VRK2: variants seen among roughly 807,000 people sequenced by gnomAD.
VRK2 encodes VRK serine/threonine kinase 2.
A neutral mutation model predicts 57.6 loss-of-function variants in VRK2; 60 were observed. The ratio of observed to expected loss-of-function variants is 1.04; its 90% CI spans 0.85 to 1.29. The LOEUF (loss-of-function observed/expected upper bound fraction) is 1.29, where lower values mean the gene tolerates loss of function less well. Ranked by LOEUF, VRK2 falls within the 50% of genes most tolerant of loss-of-function variation. The pLI, the probability that VRK2 is intolerant of heterozygous loss-of-function variation, is 0.00. For missense variants in VRK2, 705 were observed against 588.1 expected, an observed-to-expected ratio of 1.20 and a Z score of -2.06; for synonymous variants, 231 against 199.2, an observed-to-expected ratio of 1.16 and a Z score of -1.35.
intron 1 of VRK2, among the ~76,000 whole-genome samples, chr2:57,981,767 G>T (rs913273407): frequency 6.6e-6 from 1 of 152,028 alleles, no homozygotes; most frequent in Non-Finnish European, 1.5e-5. Flanking sequence ...TTTCAAAATG[G>T]CTATGTAATC....
At chr2:57,919,853 G>C (rs867836774) in intron 1 of VRK2, among the ~76,000 whole-genome samples, 1 of 152,020 alleles carries the variant, frequency 6.6e-6, no homozygotes, top group Non-Finnish European at 1.5e-5. Flanking sequence ...TTTGGTAACA[G>C]AGATCACATA....
At chr2:58,008,091 G>T (rs1673307367) in intron 1 of VRK2, among the ~76,000 whole-genome samples, 1 of 152,062 alleles carries the variant, frequency 6.6e-6, no homozygotes, top group Non-Finnish European at 1.5e-5. Flanking sequence ...ACTATAAGTT[G>T]TAACAAATTT....
chr2:58,008,356 G>C (rs1234093275), intron 1 of VRK2, among the ~76,000 whole-genome samples: 1 of 151,846 alleles, frequency 6.6e-6, no homozygotes, highest in Admixed American at 6.6e-5. Context: ...AAGATGAAAA[G>C]GAAGGAAGGA....
At chr2:58,079,109 A>G (rs1222369245) in intron 2 of VRK2, among the ~76,000 whole-genome samples, 1 of 152,134 alleles carries the variant, frequency 6.6e-6, no homozygotes, top group Non-Finnish European at 1.5e-5. Context: ...ATTTTGTAGA[A>G]TGTCCTTCAA....
At chr2:58,046,333 A>G (rs1674746033), upstream of VRK2, among the ~76,000 whole-genome samples, 1 of 152,356 alleles carries the variant, frequency 6.6e-6, no homozygotes, top group East Asian at 1.9e-4. Context: ...TCCTGAACCA[A>G]TATGCCTTTG....
chr2:57,941,214 T>G (rs1054250454), intron 1 of VRK2, among the ~76,000 whole-genome samples: 4 of 152,180 alleles, frequency 2.6e-5, no homozygotes, highest in African/African-American at 4.8e-5. Context: ...ATCTGTTAAT[T>G]GTACTAAATG....
intron 1 of VRK2, among the ~76,000 whole-genome samples, chr2:57,958,589 AT>A (rs1255671535): frequency 1.3e-5 from 2 of 151,468 alleles, no homozygotes; most frequent in South Asian, 2.1e-4. Context: ...ACCGATTTTT[AT>A]TTTTCCCTCA....
chr2:58,097,392 T>G (rs1291104407), intron 7 of VRK2, among the ~76,000 whole-genome samples: 2 of 152,114 alleles, frequency 1.3e-5, no homozygotes, highest in Non-Finnish European at 2.9e-5. Context: ...TTATGTGTTT[T>G]TTTAAATCTT....
At chr2:57,985,422 G>T (rs543917991) in intron 1 of VRK2, among the ~76,000 whole-genome samples, 1 of 151,988 alleles carries the variant, frequency 6.6e-6, no homozygotes, top group Non-Finnish European at 1.5e-5. Context: ...TCTGAAATTC[G>T]TTAATATTCT....
intron 8 of VRK2, among the ~76,000 whole-genome samples, chr2:58,128,756 T>G (rs998743559): frequency 7.9e-5 from 12 of 152,220 alleles, no homozygotes; most frequent in Non-Finnish European, 4.4e-5. Context: ...AGACTCCATA[T>G]TGTTACTTGT....
rs1679246502 is a variant in VRK2, at chr2:58,131,863, G to C, written c.732G>C (p.Leu244Phe). Residue 244 changes from leucine to phenylalanine, a missense_variant, in exon 9 of 13, where the codon TTG becomes TTC. By Grantham distance (22) the Leu-to-Phe change is conservative. Coordinates refer to ENST00000340157, the MANE Select transcript of VRK2 (RefSeq NM_006296.7). ...TCGGCTACTGCATGCTGCGGTGGTT[G>C]TGTGGGAAACTTCCCTGGGAACAGA... Reference protein sequence around the residue: ...EILGYCMLRWLCGKLPWEQNL... With the variant: ...EILGYCMLRWFCGKLPWEQNL... The C allele has an allele frequency of 3.1e-6, 5 of 1,613,990 alleles. No homozygotes were observed. Among genetic ancestry groups the C allele is most frequent in the Non-Finnish European group, 4.2e-6 (5 of 1,180,002 alleles).
intron 3 of VRK2, among the ~76,000 whole-genome samples, chr2:58,036,047 AT>A (rs553752315): frequency 2.0e-5 from 3 of 151,752 alleles, no homozygotes; most frequent in Non-Finnish European, 2.9e-5. Flanking sequence ...AAAAACAGTA[AT>A]TTTTTTTCTT....
chr2:58,074,568 A>G (rs1480468023), intron 2 of VRK2, among the ~76,000 whole-genome samples: 3 of 152,076 alleles, frequency 2.0e-5, no homozygotes, highest in African/African-American at 7.2e-5. Context: ...GTACCTTATA[A>G]TTATTCTCTC....
chr2:57,927,957 T>G (rs1009625762), intron 1 of VRK2, among the ~76,000 whole-genome samples: 1 of 152,180 alleles, frequency 6.6e-6, no homozygotes, highest in Non-Finnish European at 1.5e-5. Context: ...TTCTCTTGCT[T>G]TTAGGATACT....
chr2:58,051,882 C>CA (rs1675797300), intron 2 of VRK2, among the ~76,000 whole-genome samples: 4 of 151,970 alleles, frequency 2.6e-5, no homozygotes, highest in Admixed American at 2.6e-4. Flanking sequence ...AGAACAAAGT[C>CA]AAAGTTCTTT....
At chr2:57,938,741 T>G (rs1348919280) in intron 1 of VRK2, among the ~76,000 whole-genome samples, 1 of 152,116 alleles carries the variant, frequency 6.6e-6, no homozygotes, top group African/African-American at 2.4e-5. Flanking sequence ...GCAAAATATA[T>G]CTAGTCAATG....
chr2:57,932,236 C>T (rs1272451138), intron 1 of VRK2, among the ~76,000 whole-genome samples: 1 of 151,950 alleles, frequency 6.6e-6, no homozygotes, highest in African/African-American at 2.4e-5. Flanking sequence ...GTAGTGTTCC[C>T]TCCTCTTCAA....
intron 1 of VRK2, among the ~76,000 whole-genome samples, chr2:58,000,752 C>G (rs984705123): frequency 6.6e-6 from 1 of 152,170 alleles, no homozygotes; most frequent in Non-Finnish European, 1.5e-5. Context: ...ATATTAGATT[C>G]ATTTGCAATA....
At chr2:58,049,555 G>A (rs1054068706) in intron 2 of VRK2, among the ~76,000 whole-genome samples, 6 of 152,072 alleles carry the variant, frequency 3.9e-5, no homozygotes, top group African/African-American at 1.4e-4. Context: ...GGGCTGGATA[G>A]GCCTTTACAT....
Sources: allele counts gnomAD v4.1 joint callset (sites outside exome capture counted in the v4.1 genomes callset), GRCh38; gene constraint gnomAD v4.1.1; transcripts MANE v1.5; gene names NCBI Gene and HGNC (gene_info 2026-07-23, HGNC 2026-07-21).